The following ERBB4 variants were observed in gnomAD, a reference collection of about 807,000 sequenced individuals.
ERBB4 encodes erb-b2 receptor tyrosine kinase 4, also known as receptor tyrosine-protein kinase erbB-4.
In ERBB4, 42 loss-of-function variants were observed where a neutral mutation model predicts 158.0. The observed-to-expected ratio is 0.27, with a 90% CI of 0.21 to 0.34. The LOEUF (loss-of-function observed/expected upper bound fraction) is 0.34, where lower values mean the gene tolerates loss of function less well. ERBB4 is among the 10% of genes least tolerant of loss of function. The pLI is 1.00. For synonymous variants in ERBB4, 583 were observed against 558.7 expected (o/e 1.04, Z -0.61); for missense variants, 1,333 against 1,624.1 (o/e 0.82, Z 3.08).
intron 2 of ERBB4, among the ~76,000 whole-genome samples, chr2:211,985,787 T>C (rs1050650148): frequency 2.0e-5 from 3 of 152,080 alleles, no homozygotes; most frequent in African/African-American, 7.2e-5. Context: ...TGGGCAGTCA[T>C]ACTAAAAATC....
intron 1 of ERBB4, among the ~76,000 whole-genome samples, chr2:212,387,845 A>T (rs2090729420): frequency 6.6e-6 from 1 of 152,106 alleles, no homozygotes; most frequent in South Asian, 2.1e-4. Context: ...GGTTAATGTG[A>T]ACAACTCAGC....
intron 1 of ERBB4, among the ~76,000 whole-genome samples, chr2:212,141,881 C>A (rs1443193691): frequency 6.6e-6 from 1 of 152,072 alleles, no homozygotes; most frequent in Admixed American, 6.5e-5. Flanking sequence ...CATCTTTTAA[C>A]CTATAAATCA....
intron 1 of ERBB4, among the ~76,000 whole-genome samples, chr2:212,432,647 T>G (rs2092053809): frequency 3.3e-5 from 5 of 152,144 alleles, no homozygotes; most frequent in Admixed American, 2.0e-4. Flanking sequence ...TCACTGCAAA[T>G]TAGTTGATAA....
chr2:211,641,933 ATT>A (rs11313279), intron 16 of ERBB4, among the ~76,000 whole-genome samples: 22 of 150,300 alleles, frequency 1.5e-4, no homozygotes, highest in South Asian at 2.1e-4. Context: ...ATCATTTCTA[ATT>A]TTTTTTTTTG....
At chr2:212,378,318 A>C (rs2090394176) in intron 1 of ERBB4, among the ~76,000 whole-genome samples, 1 of 151,862 alleles carries the variant, frequency 6.6e-6, no homozygotes. Context: ...TCTCAATAGA[A>C]CCAATGTTCT....
intron 2 of ERBB4, among the ~76,000 whole-genome samples, chr2:212,109,518 C>A (rs539402871): frequency 3.3e-5 from 5 of 152,326 alleles, no homozygotes; most frequent in South Asian, 4.1e-4. Context: ...TTTCTAAAAA[C>A]ATATTGTCCC....
At chr2:211,627,076 G>C (rs541035819) in intron 17 of ERBB4, among the ~76,000 whole-genome samples, 2 of 152,244 alleles carry the variant, frequency 1.3e-5, no homozygotes, top group African/African-American at 4.8e-5. Flanking sequence ...TCACGGCAAT[G>C]AGCCTTCCCT....
intron 25 of ERBB4, among the ~76,000 whole-genome samples, chr2:211,390,987 C>A (rs1024964763): frequency 6.6e-6 from 1 of 152,120 alleles, no homozygotes; most frequent in Admixed American, 6.5e-5. Flanking sequence ...CGTGGAAGGG[C>A]AATGCAGCTC....
chr2:212,296,134 T>A (rs2086402286), intron 1 of ERBB4, among the ~76,000 whole-genome samples: 1 of 151,914 alleles, frequency 6.6e-6, no homozygotes, highest in Admixed American at 6.6e-5. Flanking sequence ...CAGCACTATA[T>A]TAGGTACTTT....
chr2:211,877,944 C>T (rs962116027), intron 3 of ERBB4, among the ~76,000 whole-genome samples: 2 of 152,042 alleles, frequency 1.3e-5, no homozygotes, highest in Non-Finnish European at 2.9e-5. Flanking sequence ...CTCGTCTCTA[C>T]TAAAAATCCA....
Position 211,795,790 on chromosome 2 carries a change from C to T in ERBB4, c.422-7631G>A, listed in dbSNP as rs199722202. On this transcript the variant is annotated intron_variant, in intron 3 of 27. Transcript: ENST00000342788. ...ATCTCGTTGGTCAGAATGAAGTCAACGAGCCACAGCTAGGTGCATGGAAGG... is the reference window on the plus strand; with the variant it reads ...ATCTCGTTGGTCAGAATGAAGTCAATGAGCCACAGCTAGGTGCATGGAAGG... Among the ~76,000 whole-genome samples the T allele has an allele frequency of 2.6e-4, 39 of 151,464 alleles. No homozygotes were observed. The East Asian group carries it at 6.2e-3, about 24-fold the overall frequency.
intron 3 of ERBB4, among the ~76,000 whole-genome samples, chr2:211,816,662 G>C (rs2076887458): frequency 6.6e-6 from 1 of 150,494 alleles, no homozygotes; most frequent in South Asian, 2.1e-4. Flanking sequence ...TGGTGATACA[G>C]AAACACATAT....
At chr2:211,969,169 C>G (rs892468306) in intron 2 of ERBB4, among the ~76,000 whole-genome samples, 5 of 151,708 alleles carry the variant, frequency 3.3e-5, no homozygotes, top group Admixed American at 2.0e-4. Context: ...AAGCATACCC[C>G]CTTTAGGAAA....
chr2:211,993,316 G>A (rs567377349), intron 2 of ERBB4, among the ~76,000 whole-genome samples: 3 of 152,246 alleles, frequency 2.0e-5, no homozygotes, highest in South Asian at 4.1e-4. Context: ...GTGAAGACAC[G>A]ACGAGAGGGC....
intron 1 of ERBB4, among the ~76,000 whole-genome samples, chr2:212,537,150 C>CGGGGGCGGCGGG (rs71301554): frequency 1.3e-4 from 20 of 151,094 alleles, no homozygotes; most frequent in African/African-American, 4.9e-4. Context: ...GCGGCGGCGG[C>CGGGGGCGGCGGG]GGCGGAGCGG....
chr2:212,143,445 T>C (rs956370903), intron 1 of ERBB4, among the ~76,000 whole-genome samples: 1 of 152,112 alleles, frequency 6.6e-6, no homozygotes, highest in Non-Finnish European at 1.5e-5. Flanking sequence ...TTAGAATAAT[T>C]GCCAGGAATT....
At chr2:212,126,115 T>C (rs2079916599) in intron 1 of ERBB4, among the ~76,000 whole-genome samples, 1 of 152,198 alleles carries the variant, frequency 6.6e-6, no homozygotes, top group Non-Finnish European at 1.5e-5. Context: ...ATAATCTGTC[T>C]GCCAAGTTCT....
chr2:211,394,708 G>A (rs1357197166), intron 25 of ERBB4, among the ~76,000 whole-genome samples: 2 of 151,994 alleles, frequency 1.3e-5, no homozygotes, highest in Non-Finnish European at 2.9e-5. Flanking sequence ...CAAATGAATC[G>A]TGAAGTTGTC....
chr2:211,505,973 A>T (rs992833390), intron 20 of ERBB4, among the ~76,000 whole-genome samples: 1 of 151,680 alleles, frequency 6.6e-6, no homozygotes, highest in Non-Finnish European at 1.5e-5. Flanking sequence ...AAAAAAAAAA[A>T]AAAGTTATAG....
Sources: gnomAD v4.1 joint callset for allele counts (sites outside exome capture counted in the v4.1 genomes callset) on GRCh38, gnomAD v4.1.1 for gene constraint, MANE v1.5 for transcripts, NCBI Gene and HGNC (gene_info 2026-07-23, HGNC 2026-07-21) for gene names.